PRKD3: variants seen among roughly 807,000 people sequenced by gnomAD.
PRKD3 encodes protein kinase D3.
A neutral mutation model predicts 99.2 loss-of-function variants in PRKD3; 47 were observed. That is an observed-to-expected ratio of 0.47 (90% confidence interval 0.38 to 0.60). The LOEUF (loss-of-function observed/expected upper bound fraction) is 0.60. PRKD3 is among the 20% of genes least tolerant of loss of function. The pLI is 0.00. For synonymous variants in PRKD3, 392 were observed against 355.4 expected (o/e 1.10, Z -1.16); for missense variants, 1,019 against 1,088.4 (o/e 0.94, Z 0.90).
intron 14 of PRKD3, among the ~76,000 whole-genome samples, chr2:37,266,911 T>C (rs1189548237): frequency 6.6e-6 from 1 of 152,234 alleles, no homozygotes; most frequent in Non-Finnish European, 1.5e-5. Flanking sequence ...AGCTAAATTT[T>C]AATCTTCTAG....
chr2:37,283,760 G>A (rs1669964565), intron 6 of PRKD3, among the ~76,000 whole-genome samples: 1 of 152,054 alleles, frequency 6.6e-6, no homozygotes, highest in South Asian at 2.1e-4. Flanking sequence ...GCCAAGGCAG[G>A]TGGATCACTT....
Position 37,289,295 on chromosome 2 carries a change from C to T in PRKD3, c.717+61G>A, listed in dbSNP as rs1305368113. 39 of 1,546,886 alleles carry T rather than the reference C, an allele frequency of 2.5e-5. No individual in the cohort carries two copies. In the South Asian group the frequency reaches 3.9e-4, roughly 16 times the overall value. On this transcript the variant is annotated intron_variant, in intron 5 of 18. Transcript: ENST00000234179. ...AATTATGTTCTAGAGTGATGTCATA[C>T]ACCCTGTAGAAACACAGAGAATAAC...
At chr2:37,322,630 T>C (rs966862334) in intron 1 of PRKD3, among the ~76,000 whole-genome samples, 1 of 152,242 alleles carries the variant, frequency 6.6e-6, no homozygotes, top group East Asian at 1.9e-4. Context: ...TAGCAGCCAA[T>C]GAGCAATTTC....
At chr2:37,288,982 AGGCGGAGGTTGCAGTGAGCAGAGACC>A (rs1670250641) in intron 5 of PRKD3, among the ~76,000 whole-genome samples, 1 of 151,962 alleles carries the variant, frequency 6.6e-6, no homozygotes, top group African/African-American at 2.4e-5. Context: ...TGAACCCAGG[AGGCGGAGGTTGCAGTGAGCAGAGACC>A]GTGCCACTGC....
At position 37,256,831 on chromosome 2, in the gene PRKD3, G is replaced by C; in HGVS notation, c.2244C>G (p.Leu748=). 7 of 1,613,876 alleles carry C rather than the reference G, an allele frequency of 4.3e-6. No individual in the cohort carries two copies. Among genetic ancestry groups the C allele is most frequent in the Non-Finnish European group, 5.9e-6 (7 of 1,179,966 alleles). The part of the protein sequence containing the change: ...GTPAYLAPEV[L]RSKGYNRSLD... ...GGGAACGGTTGTAACCTTTGCTCCG[G>C]AGAACTTCAGGGGCTAAGTATGCTG... Residue 748 remains leucine (L), a synonymous_variant, in exon 17 of 19, where the codon CTC becomes CTG. Coordinates refer to ENST00000234179, the MANE Select transcript of PRKD3 (RefSeq NM_005813.6).
chr2:37,293,360 A>G (rs1217680651), intron 2 of PRKD3, 89 bp from the exon 3 acceptor site: 3 of 1,290,292 alleles, frequency 2.3e-6, no homozygotes, highest in Non-Finnish European at 2.1e-6. Context: ...TTTAAAACAT[A>G]GTGTTTTTAA....
In PRKD3 at chr2:37,316,749, G is replaced by A; in HGVS notation, c.-225C>T. On this transcript the variant is annotated 5_prime_UTR_variant, in exon 2 of 19. Transcript: ENST00000234179. ...TTAATATCAGTCCCATCAAAAAGCA[G>A]TCTTGTCTGTAGGAAGACAACCAGG... is the stretch of plus-strand genomic sequence containing the variant. The A allele has an allele frequency of 7.3e-7, 1 of 1,371,418 alleles. No individual in the cohort carries two copies. The highest frequency in any genetic ancestry group is 9.4e-7 in the Non-Finnish European group (1 of 1,066,380). The allele number at this position is 1,371,418 out of a possible 1,614,324, so 85.0% of individuals were successfully genotyped here. A position where few individuals can be genotyped will look rare whatever the true frequency, so the allele number is the denominator to read the frequency against.
At chr2:37,271,769 T>G (rs781424162) in intron 12 of PRKD3, among the ~76,000 whole-genome samples, 23 of 152,162 alleles carry the variant, frequency 1.5e-4, no homozygotes, top group Non-Finnish European at 3.2e-4. Flanking sequence ...CCTACCTCCG[T>G]GGAAAAACTC....
intron 1 of PRKD3, among the ~76,000 whole-genome samples, chr2:37,323,966 G>A (rs1328334974): frequency 6.6e-6 from 1 of 151,552 alleles, no homozygotes; most frequent in East Asian, 1.9e-4. Context: ...GCCTGCAGAC[G>A]GCAAGGCCTA....
chr2:37,317,404 A>G (rs1036979562), intron 1 of PRKD3, among the ~76,000 whole-genome samples: 9 of 152,292 alleles, frequency 5.9e-5, no homozygotes, highest in African/African-American at 2.2e-4. Flanking sequence ...CTACACTGAT[A>G]CCTAAAACTT....
At chr2:37,324,184 C>T (rs1672011018) in intron 1 of PRKD3, 1 of 985,452 alleles carries the variant, frequency 1.0e-6, no homozygotes, top group East Asian at 1.1e-4. Context: ...ATTCTCCAAG[C>T]ACCATTTACT....
chr2:37,257,837 C>T (rs1301083857), intron 16 of PRKD3, among the ~76,000 whole-genome samples: 1 of 152,026 alleles, frequency 6.6e-6, no homozygotes, highest in Non-Finnish European at 1.5e-5. Flanking sequence ...ATGCTGGAGA[C>T]TGCCCCAGTG....
chr2:37,287,246 AAAAAAAAAAAAAAAAAAAAAAGAAAAAG>A (rs1670148516), intron 5 of PRKD3, among the ~76,000 whole-genome samples: 1 of 83,146 alleles, frequency 1.2e-5, no homozygotes, highest in African/African-American at 3.6e-5. Flanking sequence ...AAAAAAAAAA[AAAAAAAAAAAAAAAAAAAAAAGAAAAAG>A]AAAAAGAAAA....
chr2:37,295,036 C>T (rs6727253), intron 2 of PRKD3, among the ~76,000 whole-genome samples: 5,300 of 152,320 alleles, frequency 0.035, 110 homozygotes, highest in Non-Finnish European at 0.048. Flanking sequence ...GATTGCACAA[C>T]TGCACTCCAG....
chr2:37,314,779 T>C (rs1671585366), intron 2 of PRKD3, among the ~76,000 whole-genome samples: 1 of 151,954 alleles, frequency 6.6e-6, no homozygotes, highest in African/African-American at 2.4e-5. Flanking sequence ...AGTTTAAAAA[T>C]TAAATAAAAA....
At position 37,313,382 on chromosome 2, in the gene PRKD3, G is replaced by A. The variant is rs149719951; in HGVS notation, c.288+2855C>T. Among the ~76,000 whole-genome samples, 45 of 151,780 alleles carry A rather than the reference G, an allele frequency of 3.0e-4. No individual in the cohort carries two copies. The Middle Eastern group carries it at 0.01, about 35-fold the overall frequency. Reference sequence around the variant, plus strand: ...AGAGTATAATTAACCAGCAGTGGAGGTACTATGGAATTATATAATGTAATT... The same window carrying A: ...AGAGTATAATTAACCAGCAGTGGAGATACTATGGAATTATATAATGTAATT... On this transcript the variant is annotated intron_variant, in intron 2 of 18. Transcript: ENST00000234179.
intron 2 of PRKD3, among the ~76,000 whole-genome samples, chr2:37,313,117 C>T (rs139600634): frequency 6.6e-5 from 10 of 152,254 alleles, no homozygotes; most frequent in African/African-American, 2.4e-4. Context: ...GATTTCCAAA[C>T]ATTTTCTGCA....
At chr2:37,324,367 A>C (rs1395044269) in intron 1 of PRKD3, 2 of 288,408 alleles carry the variant, frequency 6.9e-6, no homozygotes, top group African/African-American at 4.6e-5. Context: ...CGCGAACCCA[A>C]GTTGCCCTCC....
chr2:37,309,846 CAAAAA>C (rs33959650), intron 2 of PRKD3, among the ~76,000 whole-genome samples: 2 of 98,420 alleles, frequency 2.0e-5, no homozygotes, highest in African/African-American at 8.0e-5. Context: ...GACTCCGTCT[CAAAAA>C]AAAAAAAAAA....
Sources: allele counts gnomAD v4.1 joint callset (sites outside exome capture counted in the v4.1 genomes callset), GRCh38; gene constraint gnomAD v4.1.1; transcripts MANE v1.5; gene names NCBI Gene and HGNC (gene_info 2026-07-23, HGNC 2026-07-21).